Variants in CREBRF observed in about 807,000 individuals in gnomAD.
CREBRF encodes the protein UPF0474 protein C5orf41.
Under a neutral mutation model 66.1 loss-of-function variants are expected in CREBRF, and 5 were observed. The ratio of observed to expected loss-of-function variants is 0.08; its 90% CI spans 0.04 to 0.16. The LOEUF is 0.16. Ranked by LOEUF, CREBRF falls within the 10% of genes least tolerant of loss-of-function variation. The probability of loss-of-function intolerance (pLI) is 1.00; values close to 1 mark genes in which losing one functional copy is unlikely to be tolerated. For synonymous variants in CREBRF, 229 were observed against 264.4 expected (o/e 0.87, Z 1.30); for missense variants, 531 against 744.9 (o/e 0.71, Z 3.34).
Position 173,056,444 on chromosome 5 carries a change from C to A in CREBRF, c.-227C>A. The A allele has an allele frequency of 2.5e-6, 1 of 398,500 alleles. No individual in the cohort carries two copies. Among genetic ancestry groups the A allele is most frequent in the Non-Finnish European group, 4.4e-6 (1 of 225,994 alleles). 24.7% of individuals were successfully genotyped at this position (398,500 alleles called of 1,614,324 possible). A position where few individuals can be genotyped will look rare whatever the true frequency, so the allele number is the denominator to read the frequency against. ...AGGGGCCGTGGCCCCTGCAGCGGAA[C>A]CGGACCCAGTCCCTGAGCCGCCCCT... On this transcript the variant is annotated 5_prime_UTR_variant, in exon 1 of 9. Coordinates refer to ENST00000296953, the MANE Select transcript of CREBRF (RefSeq NM_153607.3).
At chr5:173,128,542 T>C (rs1176800532) in intron 8 of CREBRF, among the ~76,000 whole-genome samples, 3 of 152,026 alleles carry the variant, frequency 2.0e-5, no homozygotes, top group Non-Finnish European at 4.4e-5. Flanking sequence ...TCTCATATTT[T>C]CTGTGTTTTT....
chr5:173,107,900 C>T (rs901459013), intron 4 of CREBRF, among the ~76,000 whole-genome samples: 14 of 149,136 alleles, frequency 9.4e-5, no homozygotes, highest in South Asian at 2.1e-4. Flanking sequence ...GGCACAATCT[C>T]GGCTCACTGC....
At chr5:173,096,446 C>G (rs1380260077) in intron 4 of CREBRF, among the ~76,000 whole-genome samples, 1 of 64,392 alleles carries the variant, frequency 1.6e-5, no homozygotes, top group Non-Finnish European at 4.0e-5. Flanking sequence ...CCTCCCCTCC[C>G]CTCTCCTCCC....
At chr5:173,103,952 A>G (rs953020088) in intron 4 of CREBRF, among the ~76,000 whole-genome samples, 5 of 152,218 alleles carry the variant, frequency 3.3e-5, no homozygotes, top group African/African-American at 1.2e-4. Flanking sequence ...ATGATGATCT[A>G]TCACATGAAA....
chr5:173,067,796 C>G (rs377353270), intron 1 of CREBRF, among the ~76,000 whole-genome samples: 1 of 151,654 alleles, frequency 6.6e-6, no homozygotes, highest in South Asian at 2.1e-4. Context: ...GTCAGGAGAT[C>G]GAGACCATCT....
Position 173,076,057 on chromosome 5 carries a change from C to CA in CREBRF, c.-191-4506dup, listed in dbSNP as rs35215379. Among the ~76,000 whole-genome samples the CA allele has an allele frequency of 2.6e-3, 240 of 92,504 alleles. 1 individual carries two copies. The highest frequency in any genetic ancestry group is 7.9e-3 in the South Asian group (23 of 2,898). 60.7% of individuals were successfully genotyped at this position (92,504 alleles called of 152,430 possible). On this transcript the variant is annotated intron_variant, in intron 1 of 8. Coordinates refer to ENST00000296953, the MANE Select transcript of CREBRF (RefSeq NM_153607.3). Reference sequence around the variant, plus strand: ...GCAACATAATAAGACCCCATCTCTACAAAAAAAAAAAAAAAAAAAAAAGTA... The same window carrying CA: ...GCAACATAATAAGACCCCATCTCTACAAAAAAAAAAAAAAAAAAAAAAAGTA...
At chr5:173,063,882 C>G (rs912212715) in intron 1 of CREBRF, among the ~76,000 whole-genome samples, 1 of 150,600 alleles carries the variant, frequency 6.6e-6, no homozygotes, top group African/African-American at 2.4e-5. Flanking sequence ...CCACCATGCC[C>G]GGCTAATTTT....
chr5:173,057,799 C>T (rs1452074194), intron 1 of CREBRF: 1 of 143,578 alleles, frequency 7.0e-6, no homozygotes. Flanking sequence ...AAGTTGAGGG[C>T]TGGGCGGGGT....
At chr5:173,086,332 G>A (rs1342518659) in intron 2 of CREBRF, 169 bp from the exon 3 acceptor site, 6 of 664,740 alleles carry the variant, frequency 9.0e-6, no homozygotes, top group Non-Finnish European at 1.3e-5. Flanking sequence ...TAAGTCTACA[G>A]TTCAGTGTTA....
chr5:173,124,061 G>T (rs1759204484), intron 8 of CREBRF: 1 of 151,562 alleles, frequency 6.6e-6, no homozygotes, highest in Non-Finnish European at 1.5e-5. Context: ...TTAGCTACAG[G>T]GGGAAATTTA....
chr5:173,070,744 CAATTT>C (rs1445813025), intron 1 of CREBRF, among the ~76,000 whole-genome samples: 1 of 152,084 alleles, frequency 6.6e-6, no homozygotes, highest in African/African-American at 2.4e-5. Context: ...GTTCAAGACT[CAATTT>C]AACAAACTAA....
intron 1 of CREBRF, among the ~76,000 whole-genome samples, chr5:173,065,147 A>G (rs1323329758): frequency 6.6e-6 from 1 of 152,216 alleles, no homozygotes; most frequent in Non-Finnish European, 1.5e-5. Context: ...AATGTTCTGA[A>G]ATATGGAAGA....
chr5:173,067,158 C>G (rs577806059), intron 1 of CREBRF, among the ~76,000 whole-genome samples: 30 of 152,278 alleles, frequency 2.0e-4, no homozygotes, highest in African/African-American at 7.2e-4. Context: ...TATGGACATA[C>G]CACAATTTAT....
chr5:173,072,530 C>A (rs1216119712), intron 1 of CREBRF, among the ~76,000 whole-genome samples: 1 of 151,900 alleles, frequency 6.6e-6, no homozygotes, highest in African/African-American at 2.4e-5. Flanking sequence ...CCTGCCTTGG[C>A]CTCCTAAAGT....
rs1187662039 is a variant in CREBRF, at chr5:173,134,738, G to T, written c.*993G>T. On this transcript the variant is annotated 3_prime_UTR_variant, in exon 9 of 9. Transcript: ENST00000296953. ...CTTACATGATACTGTATGAATGTAT[G>T]AAAAAAAAGGAGAAAAAAAAGAAAA... is the stretch of plus-strand genomic sequence containing the variant. The T allele has an allele frequency of 6.7e-6, 1 of 150,046 alleles. No homozygotes were observed. Among genetic ancestry groups the T allele is most frequent in the Admixed American group, 6.6e-5 (1 of 15,056 alleles). The allele number at this position is 150,046 out of a possible 1,614,324, so 9.3% of individuals were successfully genotyped here. A position where few individuals can be genotyped will look rare whatever the true frequency, so the allele number is the denominator to read the frequency against.
chr5:173,075,127 T>C (rs1757720979), intron 1 of CREBRF, among the ~76,000 whole-genome samples: 1 of 152,200 alleles, frequency 6.6e-6, no homozygotes, highest in Non-Finnish European at 1.5e-5. Context: ...TCTTTTCCCA[T>C]TGTCCTTCCT....
chr5:173,131,289 C>T (rs1045384351), intron 8 of CREBRF, among the ~76,000 whole-genome samples: 3 of 152,214 alleles, frequency 2.0e-5, no homozygotes, highest in Non-Finnish European at 4.4e-5. Flanking sequence ...CAAGGACATT[C>T]TCTTAGCCAC....
At chr5:173,093,341 G>A (rs1445388528) in intron 4 of CREBRF, among the ~76,000 whole-genome samples, 2 of 152,060 alleles carry the variant, frequency 1.3e-5, no homozygotes, top group African/African-American at 4.8e-5. Flanking sequence ...CTTTATTGAG[G>A]TATGTTTGGC....
chr5:173,114,728 ACAAAG>A (rs746004487), intron 7 of CREBRF, among the ~76,000 whole-genome samples: 168 of 152,324 alleles, frequency 1.1e-3, no homozygotes, highest in Non-Finnish European at 2.0e-3. Context: ...ATTCCTCCTG[ACAAAG>A]CTCACTGGAG....
Sources: allele counts gnomAD v4.1 joint callset (sites outside exome capture counted in the v4.1 genomes callset), GRCh38; gene constraint gnomAD v4.1.1; transcripts MANE v1.5; gene names NCBI Gene and HGNC (gene_info 2026-07-23, HGNC 2026-07-21).